The following PALS2 variants were observed in gnomAD, a reference collection of about 807,000 sequenced individuals.
PALS2 encodes the protein protein associated with LIN7 2, MAGUK p55 family member, also known as protein PALS2.
PALS2 carries 27 observed loss-of-function variants against 61.6 expected under a neutral mutation model. The observed-to-expected ratio is 0.44, with a 90% CI of 0.32 to 0.60. The LOEUF (loss-of-function observed/expected upper bound fraction) is 0.60. PALS2 is among the 20% of genes least tolerant of loss of function. The pLI is 0.05. For synonymous variants in PALS2, 236 were observed against 218.6 expected, an observed-to-expected ratio of 1.08 and a Z score of -0.70; for missense variants, 554 against 639.4, an observed-to-expected ratio of 0.87 and a Z score of 1.44.
intron 9 of PALS2, among the ~76,000 whole-genome samples, chr7:24,677,479 G>A (rs1787676243): frequency 6.6e-6 from 1 of 151,680 alleles, no homozygotes; most frequent in African/African-American, 2.4e-5. Context: ...TCCAGTTTTT[G>A]CCCATTCAGT....
intron 2 of PALS2, among the ~76,000 whole-genome samples, chr7:24,633,279 T>C (rs1785082521): frequency 1.3e-5 from 2 of 149,826 alleles, no homozygotes; most frequent in South Asian, 4.2e-4. Context: ...TCAATTTTTG[T>C]TGAAAAAGTC....
At chr7:24,638,228 A>T (rs1785333990) in intron 2 of PALS2, among the ~76,000 whole-genome samples, 2 of 151,618 alleles carry the variant, frequency 1.3e-5, no homozygotes, top group South Asian at 2.1e-4. Context: ...AATTGATCCC[A>T]GTTGAATCCA....
intron 1 of PALS2, among the ~76,000 whole-genome samples, chr7:24,585,132 C>A (rs1356587843): frequency 1.3e-5 from 2 of 152,104 alleles, no homozygotes; most frequent in Non-Finnish European, 2.9e-5. Context: ...CTTAGGATTA[C>A]CTTGGCAATG....
intron 10 of PALS2, among the ~76,000 whole-genome samples, chr7:24,679,900 T>G (rs1787827706): frequency 6.6e-6 from 1 of 152,216 alleles, no homozygotes; most frequent in Admixed American, 6.5e-5. Flanking sequence ...TTTCTGTTTT[T>G]GTTGTTTCTT....
chr7:24,677,269 G>C (rs1210775614), intron 9 of PALS2, among the ~76,000 whole-genome samples: 1 of 152,050 alleles, frequency 6.6e-6, no homozygotes, highest in African/African-American at 2.4e-5. Flanking sequence ...AGGAGATTTT[G>C]GGCTGAGACA....
chr7:24,606,559 A>G (rs192254323), intron 1 of PALS2, among the ~76,000 whole-genome samples: 1 of 152,304 alleles, frequency 6.6e-6, no homozygotes, highest in East Asian at 1.9e-4. Flanking sequence ...TAGATAAAAT[A>G]GAATAGCATT....
Position 24,626,856 on chromosome 7 carries a change from T to G in PALS2, c.117+3072T>G, listed in dbSNP as rs183571561. Among the ~76,000 whole-genome samples, 362 of 152,154 alleles carry G rather than the reference T, an allele frequency of 2.4e-3. 1 individual carries two copies. The highest frequency in any genetic ancestry group is 8.0e-3 in the African/African-American group (332 of 41,520). On this transcript the variant is annotated intron_variant, in intron 2 of 11. Coordinates refer to ENST00000222644, the MANE Select transcript of PALS2 (RefSeq NM_001303037.2). ...GTATATATGTACCCAATATAGGAGC[T>G]CCCAGATTCATAAAGCAAGTTCTTA... is the stretch of plus-strand genomic sequence containing the variant.
At chr7:24,606,038 C>G (rs1426563916) in intron 1 of PALS2, among the ~76,000 whole-genome samples, 2 of 152,062 alleles carry the variant, frequency 1.3e-5, no homozygotes, top group Non-Finnish European at 2.9e-5. Context: ...AATCCCATGA[C>G]TTATATGTTA....
At chr7:24,629,300 CTG>C (rs1784886024) in intron 2 of PALS2, among the ~76,000 whole-genome samples, 2 of 152,164 alleles carry the variant, frequency 1.3e-5, no homozygotes, top group African/African-American at 2.4e-5. Context: ...AAAACTGAAA[CTG>C]TACCCCTTCC....
chr7:24,693,454 C>T lies in PALS2; in HGVS notation c.*5840C>T, dbSNP rs1788568890. 6.6e-6 allele frequency: 1 copy of T among 152,038 alleles called. No homozygotes were observed. Among genetic ancestry groups the T allele is most frequent in the South Asian group, 2.1e-4 (1 of 4,824 alleles). The allele number at this position is 152,038 out of a possible 1,614,324, so 9.4% of individuals were successfully genotyped here. A position where few individuals can be genotyped will look rare whatever the true frequency, so the allele number is the denominator to read the frequency against. ...TAAAAACTCATCAGCTGTAAATTAC[C>T]AACATTAAACCAGAAGTCATTACCA... On this transcript the variant is annotated 3_prime_UTR_variant, in exon 12 of 12. Transcript: ENST00000222644.
chr7:24,623,346 G>C (rs1784603277), intron 1 of PALS2, among the ~76,000 whole-genome samples: 1 of 151,716 alleles, frequency 6.6e-6, no homozygotes, highest in Non-Finnish European at 1.5e-5. Flanking sequence ...TTATAAGTCT[G>C]TTTGAATTTT....
intron 1 of PALS2, among the ~76,000 whole-genome samples, chr7:24,586,664 A>C (rs1783076750): frequency 6.6e-6 from 1 of 152,210 alleles, no homozygotes; most frequent in African/African-American, 2.4e-5. Flanking sequence ...GATGATAGAA[A>C]ATCATGTTTT....
At position 24,618,626 on chromosome 7, in the gene PALS2, G is replaced by T. The variant is rs1217333930; in HGVS notation, c.-2-5040G>T. ...GATTCTCCTGTAGTAAGGATTGCAT[G>T]TGTTTGCAGTGGGAGTGGAGGCTGC... is the stretch of plus-strand genomic sequence containing the variant. On this transcript the variant is annotated intron_variant, in intron 1 of 11. Transcript: ENST00000222644. The surrounding 1 kb of genome is among the most constrained non-coding windows in gnomAD (Gnocchi z 5.1). Among the ~76,000 whole-genome samples, 2 of 152,242 alleles carry T rather than the reference G, an allele frequency of 1.3e-5. No homozygotes were observed. The highest frequency in any genetic ancestry group is 2.9e-5 in the Non-Finnish European group (2 of 68,040).
At chr7:24,640,036 C>T (rs1270573407) in intron 2 of PALS2, among the ~76,000 whole-genome samples, 1 of 151,810 alleles carries the variant, frequency 6.6e-6, no homozygotes, top group African/African-American at 2.4e-5. Context: ...AGGCTGGTCT[C>T]GAACTCCTGA....
chr7:24,622,481 G>C (rs1784559621), intron 1 of PALS2, among the ~76,000 whole-genome samples: 1 of 151,878 alleles, frequency 6.6e-6, no homozygotes, highest in Non-Finnish European at 1.5e-5. Context: ...TGTCACCAGT[G>C]TATAGAAATA....
At chr7:24,632,750 C>A (rs961253672) in intron 2 of PALS2, among the ~76,000 whole-genome samples, 1 of 152,126 alleles carries the variant, frequency 6.6e-6, no homozygotes, top group Non-Finnish European at 1.5e-5. Flanking sequence ...ATTCGATTAA[C>A]GTCTTTCATA....
intron 5 of PALS2, among the ~76,000 whole-genome samples, chr7:24,653,772 G>A (rs1195109523): frequency 6.6e-6 from 1 of 152,210 alleles, no homozygotes; most frequent in Non-Finnish European, 1.5e-5. Context: ...AAGGAATGGT[G>A]ATCTTCATTA....
chr7:24,653,727 A>G (rs189475118), intron 5 of PALS2, among the ~76,000 whole-genome samples: 30 of 152,342 alleles, frequency 2.0e-4, no homozygotes, highest in African/African-American at 7.0e-4. Context: ...GAAATAGGCA[A>G]TATCTCTGAT....
chr7:24,628,846 C>G (rs112025415), intron 2 of PALS2, among the ~76,000 whole-genome samples: 1 of 151,944 alleles, frequency 6.6e-6, no homozygotes, highest in African/African-American at 2.4e-5. Flanking sequence ...AATAAGGACA[C>G]AAACAAATGG....
Sources: allele counts gnomAD v4.1 joint callset (sites outside exome capture counted in the v4.1 genomes callset), GRCh38; gene constraint gnomAD v4.1.1; non-coding constraint Gnocchi (gnomAD v3.1); transcripts MANE v1.5; gene names NCBI Gene and HGNC (gene_info 2026-07-23, HGNC 2026-07-21).